SHISA9: variants seen among roughly 807,000 people sequenced by gnomAD.
SHISA9 encodes shisa family member 9.
A neutral mutation model predicts 38.0 loss-of-function variants in SHISA9; 13 were observed. That is an observed-to-expected ratio of 0.34 (90% CI 0.22 to 0.54). SHISA9 has a LOEUF of 0.54. Ranked by LOEUF, SHISA9 falls within the 20% of genes least tolerant of loss-of-function variation. The pLI is 0.91. For missense variants in SHISA9, 538 were observed against 575.8 expected (o/e 0.93, Z 0.67); for synonymous variants, 275 against 242.0 (o/e 1.14, Z -1.27).
At chr16:13,186,137 T>C (rs1286064454) in intron 2 of SHISA9, among the ~76,000 whole-genome samples, 1 of 152,140 alleles carries the variant, frequency 6.6e-6, no homozygotes, top group African/African-American at 2.4e-5. Context: ...TGCCTCTGTT[T>C]TCTTATCTTC....
At chr16:13,340,411 A>G in the SHISA9 span, among the ~76,000 whole-genome samples, 1 of 152,160 alleles carries the variant, frequency 6.6e-6, no homozygotes, top group Admixed American at 6.5e-5. Flanking sequence ...GTTGGGGTAT[A>G]CTGGAGAATT....
intron 2 of SHISA9, among the ~76,000 whole-genome samples, chr16:13,071,924 G>A (rs971950936): frequency 6.6e-6 from 1 of 152,142 alleles, no homozygotes; most frequent in Non-Finnish European, 1.5e-5. Flanking sequence ...GGAATTATAG[G>A]TGTGACCCAC....
chr16:13,038,155 A>G (rs1250495237), intron 2 of SHISA9, among the ~76,000 whole-genome samples: 1 of 151,914 alleles, frequency 6.6e-6, no homozygotes, highest in African/African-American at 2.4e-5. Flanking sequence ...ATGCCTGGCT[A>G]ATTTTTGTAT....
chr16:13,056,249 C>T (rs539001839), intron 2 of SHISA9, among the ~76,000 whole-genome samples: 37 of 152,304 alleles, frequency 2.4e-4, no homozygotes, highest in African/African-American at 8.4e-4. Context: ...CACTAAATGA[C>T]AGAAGTGTGC....
chr16:13,186,012 T>C (rs1242981423), intron 2 of SHISA9, among the ~76,000 whole-genome samples: 1 of 152,200 alleles, frequency 6.6e-6, no homozygotes, highest in Non-Finnish European at 1.5e-5. Context: ...CATTTTACCC[T>C]ACCTTGAACT....
chr16:13,124,833 A>C (rs1304372809), intron 2 of SHISA9, among the ~76,000 whole-genome samples: 2 of 152,340 alleles, frequency 1.3e-5, no homozygotes, highest in East Asian at 3.9e-4. Context: ...TGGTAAACTC[A>C]TTTTTGACAA....
At chr16:13,548,915 T>G in the SHISA9 span, among the ~76,000 whole-genome samples, 9 of 152,332 alleles carry the variant, frequency 5.9e-5, no homozygotes, top group East Asian at 1.9e-4. Flanking sequence ...TGCACTCTCA[T>G]GTTTATTGCA....
At chr16:13,022,347 T>TTTTC (rs2072867263) in intron 2 of SHISA9, among the ~76,000 whole-genome samples, 1 of 152,028 alleles carries the variant, frequency 6.6e-6, no homozygotes, top group African/African-American at 2.4e-5. Context: ...TTTTTTTTTT[T>TTTTC]CGAGACAGAG....
chr16:13,154,810 C>T (rs1232550315), intron 2 of SHISA9, among the ~76,000 whole-genome samples: 1 of 152,182 alleles, frequency 6.6e-6, no homozygotes, highest in Admixed American at 6.5e-5. Flanking sequence ...CTTTCCTTTG[C>T]TGTGAATCTT....
chr16:13,396,041 C>T, the SHISA9 span, among the ~76,000 whole-genome samples: 1 of 152,186 alleles, frequency 6.6e-6, no homozygotes, highest in Non-Finnish European at 1.5e-5. Flanking sequence ...AGTCGTATGA[C>T]TCATACTTTT....
rs543547479 is a variant in SHISA9, at chr16:13,138,814, A to AT, written c.692-64570dup. Among the ~76,000 whole-genome samples the AT allele has an allele frequency of 7.1e-3, 1,057 of 149,414 alleles. 11 individuals carry two copies. The highest frequency in any genetic ancestry group is 0.02 in the South Asian group (93 of 4,724). ...GGATTCCTATTTGGAAACTTTTATTATTTTTTTTTTGTAGGATTCATGGCT... is the reference window on the plus strand; with the variant it reads ...GGATTCCTATTTGGAAACTTTTATTATTTTTTTTTTTGTAGGATTCATGGCT... On this transcript the variant is annotated intron_variant, in intron 2 of 4. Coordinates refer to ENST00000558583, the MANE Select transcript of SHISA9 (RefSeq NM_001145204.3).
At chr16:13,539,002 G>A in the SHISA9 span, among the ~76,000 whole-genome samples, 89 of 152,238 alleles carry the variant, frequency 5.8e-4, no homozygotes, top group African/African-American at 2.1e-3. Flanking sequence ...GAACTTTGAC[G>A]ATTGGAAGGT....
the SHISA9 span, among the ~76,000 whole-genome samples, chr16:13,521,283 ATCT>A: frequency 6.6e-6 from 1 of 152,208 alleles, no homozygotes; most frequent in Non-Finnish European, 1.5e-5. Flanking sequence ...AAAATCCTGT[ATCT>A]TCTTCAAAAT....
At chr16:13,381,132 G>T in the SHISA9 span, among the ~76,000 whole-genome samples, 1 of 151,910 alleles carries the variant, frequency 6.6e-6, no homozygotes, top group South Asian at 2.1e-4. Context: ...CTAAAGAGGG[G>T]ATTCAAGCAG....
the SHISA9 span, among the ~76,000 whole-genome samples, chr16:13,273,149 A>G: frequency 6.6e-6 from 1 of 152,134 alleles, no homozygotes; most frequent in Admixed American, 6.6e-5. Flanking sequence ...TTATTGAAGT[A>G]TTATTAATAT....
chr16:13,360,735 GAGC>G, the SHISA9 span, among the ~76,000 whole-genome samples: 10 of 152,256 alleles, frequency 6.6e-5, no homozygotes, highest in Non-Finnish European at 1.3e-4. Context: ...CGCATAGGTG[GAGC>G]CGAGGAGCTT....
the SHISA9 span, among the ~76,000 whole-genome samples, chr16:13,378,434 T>C: frequency 6.6e-6 from 1 of 152,178 alleles, no homozygotes; most frequent in South Asian, 2.1e-4. Flanking sequence ...TTCAGGAAAG[T>C]TTCTGGGTTG....
chr16:13,309,186 G>T, the SHISA9 span, among the ~76,000 whole-genome samples: 1 of 152,034 alleles, frequency 6.6e-6, no homozygotes, highest in South Asian at 2.1e-4. Flanking sequence ...ATGCTGGGGG[G>T]CCAGGGGGTA....
chr16:13,194,012 C>G (rs915043429), intron 2 of SHISA9, among the ~76,000 whole-genome samples: 1 of 152,156 alleles, frequency 6.6e-6, no homozygotes, highest in Non-Finnish European at 1.5e-5. Context: ...ACATTCCTCC[C>G]CTACCCTGCA....
Sources: allele counts gnomAD v4.1 joint callset (sites outside exome capture counted in the v4.1 genomes callset), GRCh38; gene constraint gnomAD v4.1.1; transcripts MANE v1.5; gene names NCBI Gene and HGNC (gene_info 2026-07-23, HGNC 2026-07-21).